Variants in CLIP4 observed in about 807,000 individuals in gnomAD.
CLIP4 encodes CAP-Gly domain containing linker protein family member 4.
CLIP4 carries 47 observed loss-of-function variants against 73.1 expected under a neutral mutation model. That is an observed-to-expected ratio of 0.64 (90% CI 0.51 to 0.82). The LOEUF (loss-of-function observed/expected upper bound fraction) is 0.82. Ranked by LOEUF, CLIP4 falls within the 40% of genes least tolerant of loss-of-function variation. The probability of loss-of-function intolerance (pLI) is 0.00; values close to 1 mark genes in which losing one functional copy is unlikely to be tolerated. For missense variants in CLIP4, 874 were observed against 852.9 expected (o/e 1.02, Z -0.31); for synonymous variants, 306 against 295.4 (o/e 1.04, Z -0.37).
chr2:29,178,556 G>A (rs1279990769), intron 15 of CLIP4, among the ~76,000 whole-genome samples: 5 of 151,982 alleles, frequency 3.3e-5, no homozygotes, highest in Non-Finnish European at 5.9e-5. Flanking sequence ...CCTGTATATC[G>A]TGCTCATATT....
chr2:29,142,853 A>T (rs1015379951), intron 6 of CLIP4, among the ~76,000 whole-genome samples: 5 of 152,182 alleles, frequency 3.3e-5, no homozygotes, highest in Non-Finnish European at 7.4e-5. Flanking sequence ...TTGGTTAGGG[A>T]ATGTAAGATG....
At chr2:29,140,024 G>A (rs1193080574) in intron 6 of CLIP4, among the ~76,000 whole-genome samples, 1 of 150,966 alleles carries the variant, frequency 6.6e-6, no homozygotes, top group Admixed American at 6.6e-5. Context: ...TTTGGGTTTA[G>A]TTTGTTCTTA....
chr2:29,107,565 AG>A (rs1668263729), intron 1 of CLIP4, among the ~76,000 whole-genome samples: 1 of 151,054 alleles, frequency 6.6e-6, no homozygotes, highest in Admixed American at 6.6e-5. Flanking sequence ...TAGTAGAGAC[AG>A]GGTTTCACCA....
intron 6 of CLIP4, among the ~76,000 whole-genome samples, chr2:29,138,366 A>AT (rs561052736): frequency 6.0e-4 from 91 of 150,532 alleles, no homozygotes; most frequent in East Asian, 1.4e-3. Context: ...CTATATGTCT[A>AT]TTTTTTTTAG....
chr2:29,157,221 G>C lies in CLIP4; in HGVS notation c.1273G>C (p.Val425Leu). The C allele has an allele frequency of 6.2e-7, 1 of 1,614,010 alleles. No homozygotes were observed. The highest frequency in any genetic ancestry group is 8.5e-7 in the Non-Finnish European group (1 of 1,179,946). ...TGTTACAGTTGCCCTGCTTGGATCTGTCAGCAGCTGCTCCTCTACATCTTC... is the reference window on the plus strand; with the variant it reads ...TGTTACAGTTGCCCTGCTTGGATCTCTCAGCAGCTGCTCCTCTACATCTTC... ...TEKDVALLGS[V>L]SSCSSTSSLE... The change falls in exon 11 of 16, where the codon GTC (valine) becomes CTC (leucine). Residue 425 changes from valine (V) to leucine (L), a missense_variant. Val to Leu is a conservative substitution (Grantham distance 32, BLOSUM62 1). Transcript: ENST00000320081.
Position 29,181,938 on chromosome 2 carries a change from A to G in CLIP4, c.*45A>G. ...AGCTCAAATATATATATTTGGTGTA[A>G]ATAAAGAGTCCATGGTAAATGGTTT... On this transcript the variant is annotated 3_prime_UTR_variant, in exon 16 of 16. Transcript: ENST00000320081. 6.8e-7 allele frequency: 1 copy of G among 1,464,496 alleles called. No homozygotes were observed. The highest frequency in any genetic ancestry group is 9.2e-7 in the Non-Finnish European group (1 of 1,082,752). 90.7% of individuals were successfully genotyped at this position (1,464,496 alleles called of 1,614,324 possible).
intron 15 of CLIP4, among the ~76,000 whole-genome samples, chr2:29,178,236 A>T (rs1668456039): frequency 6.6e-6 from 1 of 150,950 alleles, no homozygotes; most frequent in South Asian, 2.1e-4. Flanking sequence ...GCTGGAGTGC[A>T]ATGGTGTGAT....
chr2:29,117,583 C>T (rs140788211), intron 1 of CLIP4, among the ~76,000 whole-genome samples: 4 of 152,322 alleles, frequency 2.6e-5, no homozygotes, highest in African/African-American at 9.6e-5. Flanking sequence ...CTGCCCATCT[C>T]GGCCTCCCGA....
At chr2:29,099,847 T>G (rs185726539) in intron 1 of CLIP4, among the ~76,000 whole-genome samples, 1 of 152,214 alleles carries the variant, frequency 6.6e-6, no homozygotes, top group East Asian at 1.9e-4. Flanking sequence ...TCTCCATTTA[T>G]TTAGATTTAT....
chr2:29,102,435 C>T (rs1348374415), intron 1 of CLIP4, among the ~76,000 whole-genome samples: 1 of 152,054 alleles, frequency 6.6e-6, no homozygotes, highest in Non-Finnish European at 1.5e-5. Flanking sequence ...TTTCTTTGCC[C>T]CCACTCCTAC....
At chr2:29,100,807 A>T (rs1249172041) in intron 1 of CLIP4, among the ~76,000 whole-genome samples, 1 of 151,838 alleles carries the variant, frequency 6.6e-6, no homozygotes. Flanking sequence ...CATTGGGCAG[A>T]GGTGGGAAGT....
chr2:29,131,532 A>G, intron 3 of CLIP4, 135 bp downstream of exon 3: 1 of 900,706 alleles, frequency 1.1e-6, no homozygotes, highest in Non-Finnish European at 1.6e-6. Flanking sequence ...TATTTCCAGG[A>G]TTTTCATGGG....
intron 2 of CLIP4, among the ~76,000 whole-genome samples, chr2:29,126,374 A>G (rs929693125): frequency 5.9e-5 from 9 of 152,280 alleles, no homozygotes; most frequent in African/African-American, 1.4e-4. Context: ...TCCTGACTCA[A>G]TCACTTTCCA....
At chr2:29,160,813 A>G (rs1667237794) in intron 12 of CLIP4, among the ~76,000 whole-genome samples, 1 of 152,230 alleles carries the variant, frequency 6.6e-6, no homozygotes, top group South Asian at 2.1e-4. Flanking sequence ...TAAGTAGTAA[A>G]TAATGAGTTA....
At chr2:29,146,537 A>G (rs1666178367) in intron 8 of CLIP4, among the ~76,000 whole-genome samples, 1 of 152,178 alleles carries the variant, frequency 6.6e-6, no homozygotes, top group South Asian at 2.1e-4. Flanking sequence ...TATCCTGTCT[A>G]TTGATTTCAA....
At chr2:29,143,643 A>G (rs1665939142) in intron 6 of CLIP4, 66 bp from the exon 7 acceptor site, 5 of 1,100,952 alleles carry the variant, frequency 4.5e-6, no homozygotes, top group Middle Eastern at 2.1e-4. Context: ...TTCCAACAGA[A>G]ATTTTATATG....
At chr2:29,118,739 C>T (rs528734642) in intron 1 of CLIP4, among the ~76,000 whole-genome samples, 24 of 152,018 alleles carry the variant, frequency 1.6e-4, no homozygotes, top group African/African-American at 5.5e-4. Flanking sequence ...AGGCTGGTCT[C>T]GAATGCCTGA....
chr2:29,164,791 A>G (rs1384624534), intron 13 of CLIP4, among the ~76,000 whole-genome samples: 2 of 152,098 alleles, frequency 1.3e-5, no homozygotes, highest in Non-Finnish European at 1.5e-5. Context: ...TTCTCCCTCA[A>G]TTTCTTTTTC....
At chr2:29,168,976 T>A (rs1224985049) in intron 14 of CLIP4, among the ~76,000 whole-genome samples, 1 of 152,194 alleles carries the variant, frequency 6.6e-6, no homozygotes, top group African/African-American at 2.4e-5. Context: ...TTCTTTTTTT[T>A]TTTTGCATGG....
Sources: allele counts gnomAD v4.1 joint callset (sites outside exome capture counted in the v4.1 genomes callset), GRCh38; gene constraint gnomAD v4.1.1; transcripts MANE v1.5; gene names NCBI Gene and HGNC (gene_info 2026-07-23, HGNC 2026-07-21).